Variants in CHL1 observed in about 807,000 individuals in gnomAD.
CHL1 encodes cell adhesion molecule L1 like.
In CHL1, 96 loss-of-function variants were observed where a neutral mutation model predicts 141.9. The ratio of observed to expected loss-of-function variants is 0.68; its 90% CI spans 0.57 to 0.80. The LOEUF is 0.80. Among genes scored for constraint, CHL1 ranks in the 30% least tolerant of loss-of-function variants. CHL1 has a pLI of 0.00. For synonymous variants in CHL1, 613 were observed against 502.2 expected, an observed-to-expected ratio of 1.22 and a Z score of -2.95; for missense variants, 1,820 against 1,457.2, an observed-to-expected ratio of 1.25 and a Z score of -4.05.
At chr3:401,753 TAA>T in intron 27 of CHL1, 55 bp downstream of exon 27, 2 of 1,025,894 alleles carry the variant, frequency 1.9e-6, no homozygotes, top group South Asian at 3.0e-5. Context: ...GTTGAAAGCT[TAA>T]GTGAACAAAA....
intron 2 of CHL1, among the ~76,000 whole-genome samples, chr3:273,832 C>A (rs141195248): frequency 6.6e-6 from 1 of 152,128 alleles, no homozygotes; most frequent in African/African-American, 2.4e-5. Flanking sequence ...TTCCTAACTG[C>A]TCCAATCTAC....
chr3:296,936 G>C (rs1166954289), intron 2 of CHL1, among the ~76,000 whole-genome samples: 1 of 152,130 alleles, frequency 6.6e-6, no homozygotes, highest in East Asian at 1.9e-4. Context: ...GGGAGGGAGA[G>C]AATGTGCAAA....
chr3:257,089 A>G (rs1022592464), intron 2 of CHL1, among the ~76,000 whole-genome samples: 2 of 152,190 alleles, frequency 1.3e-5, no homozygotes, highest in Non-Finnish European at 2.9e-5. Flanking sequence ...GTATGGCTTC[A>G]TGTCACCTCA....
chr3:272,680 A>G (rs577597558), intron 2 of CHL1, among the ~76,000 whole-genome samples: 1 of 152,224 alleles, frequency 6.6e-6, no homozygotes, highest in African/African-American at 2.4e-5. Flanking sequence ...GGAAGAGCTT[A>G]TGTTCAAATA....
intron 20 of CHL1, among the ~76,000 whole-genome samples, chr3:389,836 G>A (rs1708076009): frequency 6.6e-6 from 1 of 152,186 alleles, no homozygotes; most frequent in Non-Finnish European, 1.5e-5. Flanking sequence ...GATCCCCTAA[G>A]AGCCACTTGC....
chr3:199,777 A>C (rs1229034896), intron 1 of CHL1, among the ~76,000 whole-genome samples: 1 of 152,194 alleles, frequency 6.6e-6, no homozygotes. Flanking sequence ...AAATCTTTGA[A>C]GATAGGAGGT....
At chr3:208,706 G>A (rs769582447) in intron 1 of CHL1, among the ~76,000 whole-genome samples, 7 of 152,172 alleles carry the variant, frequency 4.6e-5, no homozygotes, top group Non-Finnish European at 7.4e-5. Context: ...ACCTGCGTGA[G>A]GGTGGGGTTC....
intron 2 of CHL1, among the ~76,000 whole-genome samples, chr3:253,166 A>G (rs1331522351): frequency 1.3e-5 from 2 of 152,250 alleles, no homozygotes; most frequent in East Asian, 3.9e-4. Flanking sequence ...ACATTTCTAT[A>G]ATTGTACTAT....
intron 2 of CHL1, among the ~76,000 whole-genome samples, chr3:294,629 TC>T (rs1420451785): frequency 6.9e-6 from 1 of 144,904 alleles, no homozygotes; most frequent in Non-Finnish European, 1.5e-5. Flanking sequence ...ACTAAACCCT[TC>T]TAAAATATTC....
chr3:327,120 C>T (rs138897381), intron 4 of CHL1, among the ~76,000 whole-genome samples: 1 of 151,800 alleles, frequency 6.6e-6, no homozygotes, highest in African/African-American at 2.4e-5. Flanking sequence ...ATATAAGACA[C>T]ACAGAGAGAA....
At chr3:316,471 G>GA (rs1553563269) in intron 2 of CHL1, among the ~76,000 whole-genome samples, 1 of 151,268 alleles carries the variant, frequency 6.6e-6, no homozygotes, top group African/African-American at 2.4e-5. Flanking sequence ...TGGCAGGGAT[G>GA]TTTTTTTTCC....
At chr3:368,377 T>C (rs1705178608) in intron 15 of CHL1, among the ~76,000 whole-genome samples, 3 of 152,240 alleles carry the variant, frequency 2.0e-5, no homozygotes, top group Non-Finnish European at 4.4e-5. Context: ...CATATGTTTG[T>C]TGGCCATGTA....
At chr3:345,704 C>T (rs1016396979) in intron 9 of CHL1, among the ~76,000 whole-genome samples, 7 of 151,968 alleles carry the variant, frequency 4.6e-5, no homozygotes, top group Non-Finnish European at 1.0e-4. Context: ...AGGAAGGTCT[C>T]GATCTCCGGA....
rs542627847 is a variant in CHL1, at chr3:224,530, CAACT to C, written c.-174-20080_-174-20077del. On this transcript the variant is annotated intron_variant, in intron 1 of 27. Transcript: ENST00000256509. The stretch of plus-strand genomic sequence containing the variant: ...TGTTTAAAAGTAGGTGGCTCCTCCC[CAACT>C]AAGTCTCTCTCTAGCTTCTCCTTCC... Among the ~76,000 whole-genome samples, 18 of 152,066 alleles carry C rather than the reference CAACT, an allele frequency of 1.2e-4. No homozygotes were observed. In the East Asian group the frequency reaches 3.1e-3, roughly 26 times the overall value.
intron 2 of CHL1, among the ~76,000 whole-genome samples, chr3:260,129 T>C (rs1694567403): frequency 6.6e-6 from 1 of 152,002 alleles, no homozygotes. Context: ...CTGGGTGTGG[T>C]GGCGCGGACC....
rs115905004 is a variant in CHL1, at chr3:361,787, T to C, written c.1395T>C (p.Ala465=). Reference sequence around the variant, plus strand: ...CTTTCTTACATTGCGAGTTCTTTGCTTCACCTGAGGCAGTCGTGTCCTGGT... The same window carrying C: ...CTTTCTTACATTGCGAGTTCTTTGCCTCACCTGAGGCAGTCGTGTCCTGGT... ...YSAFLHCEFF[A]SPEAVVSWQK... The change falls in exon 13 of 28, where the codon GCT becomes GCC. Residue 465 remains alanine, a synonymous_variant. Coordinates refer to ENST00000256509, the MANE Select transcript of CHL1 (RefSeq NM_006614.4). The C allele has an allele frequency of 5.1e-4, 817 of 1,612,634 alleles. 5 individuals carry two copies. The African/African-American group carries it at 9.6e-3, about 19-fold the overall frequency.
At chr3:303,629 T>G (rs1277985423) in intron 2 of CHL1, among the ~76,000 whole-genome samples, 1 of 152,208 alleles carries the variant, frequency 6.6e-6, no homozygotes, top group East Asian at 1.9e-4. Flanking sequence ...AAGGAGATTT[T>G]GGGCTGAGAA....
At chr3:322,250 T>C (rs548626972) in intron 3 of CHL1, among the ~76,000 whole-genome samples, 2 of 152,078 alleles carry the variant, frequency 1.3e-5, no homozygotes, top group East Asian at 3.9e-4. Context: ...TGAGCTAATA[T>C]CCATAACCTG....
intron 9 of CHL1, among the ~76,000 whole-genome samples, chr3:346,558 T>C (rs1235374686): frequency 6.6e-6 from 1 of 152,206 alleles, no homozygotes; most frequent in African/African-American, 2.4e-5. Context: ...AATGAAATGC[T>C]CTCATGTGCT....
Sources: gnomAD v4.1 joint callset for allele counts (sites outside exome capture counted in the v4.1 genomes callset) on GRCh38, gnomAD v4.1.1 for gene constraint, MANE v1.5 for transcripts, NCBI Gene and HGNC (gene_info 2026-07-23, HGNC 2026-07-21) for gene names.